The following NEBL variants were observed in gnomAD, a reference collection of about 807,000 sequenced individuals.
The protein encoded by NEBL is LIM and SH3 protein 2.
In NEBL, 122 loss-of-function variants were observed where a neutral mutation model predicts 140.2. The ratio of observed to expected loss-of-function variants is 0.87; its 90% CI spans 0.75 to 1.01. The LOEUF (loss-of-function observed/expected upper bound fraction) is 1.01, where lower values mean the gene tolerates loss of function less well. NEBL is among the 50% of genes least tolerant of loss of function. The pLI is 0.00. For synonymous variants in NEBL, 436 were observed against 398.9 expected (o/e 1.09, Z -1.11); for missense variants, 1,365 against 1,231.3 (o/e 1.11, Z -1.62).
intron 3 of NEBL, among the ~76,000 whole-genome samples, chr10:20,984,641 C>G (rs549216116): frequency 6.6e-6 from 1 of 151,784 alleles, no homozygotes; most frequent in Non-Finnish European, 1.5e-5. Flanking sequence ...AGTCTTCCCC[C>G]ATTCATTCTC....
intron 3 of NEBL, among the ~76,000 whole-genome samples, chr10:21,186,988 A>ATGTGTGTGTGTGTG (rs35359446): frequency 7.0e-6 from 1 of 141,890 alleles, no homozygotes; most frequent in East Asian, 2.1e-4. Context: ...CCAACTCTGT[A>ATGTGTGTGTGTGTG]TGTGTGTGTG....
intron 2 of NEBL, among the ~76,000 whole-genome samples, chr10:21,114,487 G>T (rs1043263507): frequency 2.0e-5 from 3 of 152,006 alleles, no homozygotes; most frequent in African/African-American, 7.2e-5. Context: ...CTGATTTTCT[G>T]TCTATTTGTT....
At chr10:20,876,431 G>C (rs1322763388) in intron 5 of NEBL, among the ~76,000 whole-genome samples, 1 of 151,924 alleles carries the variant, frequency 6.6e-6, no homozygotes, top group Non-Finnish European at 1.5e-5. Flanking sequence ...CACTATTATT[G>C]TAAGTCTCAT....
chr10:21,152,355 G>C (rs1410287030), intron 2 of NEBL, among the ~76,000 whole-genome samples: 1 of 152,178 alleles, frequency 6.6e-6, no homozygotes, highest in Non-Finnish European at 1.5e-5. Flanking sequence ...CATCCAATGA[G>C]CATCTCCCCA....
intron 2 of NEBL, among the ~76,000 whole-genome samples, chr10:20,894,210 C>A (rs1271568552): frequency 1.3e-5 from 2 of 152,238 alleles, no homozygotes; most frequent in Non-Finnish European, 2.9e-5. Context: ...TGGCTCACAC[C>A]TGTAATCCCA....
chr10:21,284,689 G>T (rs927288238), intron 1 of NEBL, among the ~76,000 whole-genome samples: 1 of 152,032 alleles, frequency 6.6e-6, no homozygotes, highest in Non-Finnish European at 1.5e-5. Flanking sequence ...CGCCAAACTT[G>T]GTTCTACTCT....
intron 2 of NEBL, among the ~76,000 whole-genome samples, chr10:21,106,143 T>C (rs1383768530): frequency 2.0e-5 from 3 of 152,144 alleles, no homozygotes; most frequent in African/African-American, 7.2e-5. Flanking sequence ...AGGTTGCCTG[T>C]TCACTCTGAT....
At chr10:20,910,255 T>C (rs1232726605) in intron 4 of NEBL, among the ~76,000 whole-genome samples, 3 of 152,234 alleles carry the variant, frequency 2.0e-5, no homozygotes, top group Non-Finnish European at 4.4e-5. Flanking sequence ...ATTTCTTTTA[T>C]ATATGTTATC....
chr10:20,939,139 G>A (rs1184076242), intron 4 of NEBL, among the ~76,000 whole-genome samples: 1 of 152,176 alleles, frequency 6.6e-6, no homozygotes, highest in East Asian at 1.9e-4. Context: ...ATAACTGTCA[G>A]ATTCACCAAA....
chr10:21,114,680 A>T (rs1397977348), intron 2 of NEBL, among the ~76,000 whole-genome samples: 1 of 152,084 alleles, frequency 6.6e-6, no homozygotes, highest in East Asian at 1.9e-4. Flanking sequence ...CTTGCTCAGA[A>T]ATATACGTTG....
intron 2 of NEBL, among the ~76,000 whole-genome samples, chr10:21,081,453 T>C (rs560858917): frequency 4.6e-5 from 7 of 152,252 alleles, no homozygotes; most frequent in African/African-American, 1.7e-4. Context: ...TGGCTCCTAG[T>C]GGGAAAACTG....
chr10:21,126,056 T>C (rs1244495819), intron 2 of NEBL: 6 of 1,614,168 alleles, frequency 3.7e-6, no homozygotes, highest in South Asian at 2.2e-5. Flanking sequence ...TGCAGCCTTC[T>C]GGTCTCCCCA....
chr10:21,174,104 C>A, exon 1 of NEBL: 12 of 910,662 alleles, frequency 1.3e-5, no homozygotes, highest in Non-Finnish European at 1.6e-5. Context: ...CGCTCGCACT[C>A]CAGGTACGGG....
At chr10:20,857,850 C>T (rs1426422593) in intron 9 of NEBL, among the ~76,000 whole-genome samples, 1 of 152,124 alleles carries the variant, frequency 6.6e-6, no homozygotes, top group Non-Finnish European at 1.5e-5. Flanking sequence ...GACAATTTTT[C>T]ATGCTACTGA....
chr10:21,155,658 T>C (rs1254594151), intron 2 of NEBL, among the ~76,000 whole-genome samples: 1 of 152,172 alleles, frequency 6.6e-6, no homozygotes, highest in Non-Finnish European at 1.5e-5. Context: ...AAGTAATCAC[T>C]GGTAATCACT....
intron 2 of NEBL, chr10:21,248,057 G>A (rs1842539979): frequency 8.7e-6 from 2 of 230,534 alleles, no homozygotes; most frequent in African/African-American, 4.6e-5. Context: ...ATTCAAGTCT[G>A]GACGGCACCC....
chr10:21,186,153 A>T (rs1041574247), intron 3 of NEBL, among the ~76,000 whole-genome samples: 6 of 152,036 alleles, frequency 3.9e-5, no homozygotes, highest in African/African-American at 7.3e-5. Flanking sequence ...TTAAAACTTT[A>T]AAAAATGTGT....
chr10:21,007,282 G>T (rs1264090179), intron 3 of NEBL, among the ~76,000 whole-genome samples: 1 of 152,218 alleles, frequency 6.6e-6, no homozygotes, highest in African/African-American at 2.4e-5. Flanking sequence ...GCCAAAGGAG[G>T]TATCCAATAA....
chr10:20,928,734 G>A (rs150513051), intron 4 of NEBL, among the ~76,000 whole-genome samples: 1,559 of 152,180 alleles, frequency 0.01, 15 homozygotes, highest in Middle Eastern at 0.027. Flanking sequence ...CTAGAACTTT[G>A]CTCCTGCTGT....
Sources: allele counts gnomAD v4.1 joint callset (sites outside exome capture counted in the v4.1 genomes callset), GRCh38; gene constraint gnomAD v4.1.1; transcripts MANE v1.5; gene names NCBI Gene and HGNC (gene_info 2026-07-23, HGNC 2026-07-21).